Variants in SMOC1 observed in about 807,000 individuals in gnomAD.
The protein encoded by SMOC1 is SPARC related modular calcium binding 1, also known as SPARC-related modular calcium-binding protein 1.
Under a neutral mutation model 56.3 loss-of-function variants are expected in SMOC1, and 22 were observed. The ratio of observed to expected loss-of-function variants is 0.39; its 90% CI spans 0.28 to 0.56. The LOEUF is 0.56. Among genes scored for constraint, SMOC1 ranks in the 20% least tolerant of loss-of-function variants. The probability of loss-of-function intolerance (pLI) is 0.61; values close to 1 mark genes in which losing one functional copy is unlikely to be tolerated. For missense variants in SMOC1, 509 were observed against 565.4 expected (o/e 0.90, Z 1.01); for synonymous variants, 193 against 215.0 (o/e 0.90, Z 0.89).
chr14:69,921,256 A>G (rs1330333178), intron 1 of SMOC1, among the ~76,000 whole-genome samples: 2 of 152,056 alleles, frequency 1.3e-5, no homozygotes, highest in Non-Finnish European at 2.9e-5. Flanking sequence ...TCATTACATC[A>G]TGGGCAAGAT....
intron 7 of SMOC1, among the ~76,000 whole-genome samples, chr14:69,997,842 G>A (rs111588669): frequency 6.6e-6 from 1 of 152,160 alleles, no homozygotes; most frequent in Non-Finnish European, 1.5e-5. Context: ...ATGATCCTGG[G>A]TTCAGGTGTG....
At chr14:69,986,613 T>C (rs1370211759) in intron 5 of SMOC1, among the ~76,000 whole-genome samples, 1 of 152,120 alleles carries the variant, frequency 6.6e-6, no homozygotes, top group Non-Finnish European at 1.5e-5. Flanking sequence ...CGATAATCAT[T>C]TCAAAATAAA....
intron 1 of SMOC1, among the ~76,000 whole-genome samples, chr14:69,883,522 C>T (rs1476920782): frequency 6.6e-6 from 1 of 152,198 alleles, no homozygotes; most frequent in Non-Finnish European, 1.5e-5. Context: ...TCTATCCATT[C>T]ATCCACTGAT....
chr14:70,023,827 GTA>G lies in SMOC1; in HGVS notation c.1291+382_1291+383del, dbSNP rs146308657. On this transcript the variant is annotated intron_variant, in intron 11 of 11. Coordinates refer to ENST00000361956, the MANE Select transcript of SMOC1 (RefSeq NM_001034852.3). ...AGGGTGTGTGTGTGTGTGAGTGTGT[GTA>G]TGTGTGTGTGTGTGTGTGTGTGTGT... Among the ~76,000 whole-genome samples the G allele has an allele frequency of 2.0e-3, 287 of 143,670 alleles. 7 individuals are homozygous for G. Among genetic ancestry groups the G allele is most frequent in the Middle Eastern group, 3.4e-3 (1 of 290 alleles). 94.3% of individuals were successfully genotyped at this position (143,670 alleles called of 152,430 possible).
intron 1 of SMOC1, among the ~76,000 whole-genome samples, chr14:69,940,688 C>T (rs1254210308): frequency 6.6e-6 from 1 of 152,220 alleles, no homozygotes; most frequent in Non-Finnish European, 1.5e-5. Flanking sequence ...CTTGGATGCA[C>T]CCCAAGTGTA....
chr14:69,891,257 G>T (rs544898225), intron 1 of SMOC1, among the ~76,000 whole-genome samples: 1 of 152,312 alleles, frequency 6.6e-6, no homozygotes, highest in Admixed American at 6.5e-5. Context: ...GGGCAAACTG[G>T]AATATGTCAG....
At chr14:69,956,819 A>G (rs772395894) in intron 3 of SMOC1, among the ~76,000 whole-genome samples, 13 of 152,298 alleles carry the variant, frequency 8.5e-5, no homozygotes, top group Non-Finnish European at 1.6e-4. Flanking sequence ...AAAGCTGTAC[A>G]TTAGACCATG....
intron 1 of SMOC1, among the ~76,000 whole-genome samples, chr14:69,890,549 A>G (rs913843582): frequency 2.0e-5 from 3 of 152,334 alleles, no homozygotes; most frequent in African/African-American, 7.2e-5. Flanking sequence ...TAAAACATGC[A>G]TGATTGAAAA....
At chr14:70,023,772 A>G (rs1388700050) in intron 11 of SMOC1, among the ~76,000 whole-genome samples, 1 of 152,028 alleles carries the variant, frequency 6.6e-6, no homozygotes, top group African/African-American at 2.4e-5. Flanking sequence ...TTTCTTTCCC[A>G]TATAATAGTT....
At chr14:69,982,043 G>A (rs773754211) in intron 5 of SMOC1, among the ~76,000 whole-genome samples, 8 of 152,180 alleles carry the variant, frequency 5.3e-5, no homozygotes, top group Non-Finnish European at 1.0e-4. Flanking sequence ...AGTTCTCTGT[G>A]AGCTTTTGAC....
rs529243113 is a variant in SMOC1, at chr14:69,981,516, A to G, written c.526+3551A>G. On this transcript the variant is annotated intron_variant, in intron 5 of 11. Coordinates refer to ENST00000361956, the MANE Select transcript of SMOC1 (RefSeq NM_001034852.3). The stretch of plus-strand genomic sequence containing the variant: ...CTTTGGTCCTGGCCCTTAAAGAGAG[A>G]CGTGTGTGTGTTGTGTGTGTGGGAG... 1.1e-4 allele frequency among the ~76,000 whole-genome samples: 17 copies of G among 151,844 alleles called. No homozygotes were observed. In the East Asian group the frequency reaches 3.3e-3, roughly 29 times the overall value.
At chr14:69,930,167 ACCCCTGACAGCACCCTTCCCACT>A (rs60231522) in intron 1 of SMOC1, among the ~76,000 whole-genome samples, 18 of 136,816 alleles carry the variant, frequency 1.3e-4, no homozygotes, top group African/African-American at 5.0e-4. Context: ...CAGTGACTGT[ACCCCTGACAGCACCCTTCCCACT>A]CCCCTGACAG....
At chr14:70,003,595 C>G (rs927319675) in intron 7 of SMOC1, among the ~76,000 whole-genome samples, 2 of 152,176 alleles carry the variant, frequency 1.3e-5, no homozygotes, top group Non-Finnish European at 2.9e-5. Flanking sequence ...TCTTTTACAC[C>G]AGAGATTCCA....
chr14:70,003,343 T>C (rs942055466), intron 7 of SMOC1, among the ~76,000 whole-genome samples: 1 of 152,150 alleles, frequency 6.6e-6, no homozygotes, highest in African/African-American at 2.4e-5. Flanking sequence ...TGGGTAACAT[T>C]TTAATTGATT....
At chr14:69,979,659 C>T (rs1884102220) in intron 5 of SMOC1, among the ~76,000 whole-genome samples, 1 of 152,050 alleles carries the variant, frequency 6.6e-6, no homozygotes, top group Non-Finnish European at 1.5e-5. Flanking sequence ...GAGACAAGAT[C>T]TCACTATGTT....
intron 1 of SMOC1, among the ~76,000 whole-genome samples, chr14:69,914,434 A>C (rs192857495): frequency 1.2e-4 from 19 of 152,356 alleles, no homozygotes; most frequent in African/African-American, 4.6e-4. Context: ...ATTTCCCCAC[A>C]GTAGTTTGCA....
intron 7 of SMOC1, among the ~76,000 whole-genome samples, chr14:69,996,981 G>T (rs1884788146): frequency 6.6e-6 from 1 of 152,176 alleles, no homozygotes; most frequent in Non-Finnish European, 1.5e-5. Context: ...TGTAGTGTCT[G>T]TGACCATTTT....
At chr14:70,001,629 G>A (rs1435475577) in intron 7 of SMOC1, among the ~76,000 whole-genome samples, 1 of 152,078 alleles carries the variant, frequency 6.6e-6, no homozygotes. Flanking sequence ...TTGAGGAGAC[G>A]GGTCATTCAC....
rs187705570 is a variant in SMOC1 at position 69,994,601 on chromosome 14, A to G, written c.664+121A>G. 702 of 806,360 alleles carry G rather than the reference A, an allele frequency of 8.7e-4. 3 individuals carry two copies. The African/African-American group carries it at 9.7e-3, about 11-fold the overall frequency. The allele number at this position is 806,360 out of a possible 1,614,324, so 50.0% of individuals were successfully genotyped here. On this transcript the variant is annotated intron_variant, in intron 7 of 11. Coordinates refer to ENST00000361956, the MANE Select transcript of SMOC1 (RefSeq NM_001034852.3). Reference sequence around the variant, plus strand: ...TTAATCTGTCTGGTTGTCAATTTCTATAGCTATAAAATAAAGAGATTGGAT... The same window carrying G: ...TTAATCTGTCTGGTTGTCAATTTCTGTAGCTATAAAATAAAGAGATTGGAT...
Sources: gnomAD v4.1 joint callset for allele counts (sites outside exome capture counted in the v4.1 genomes callset) on GRCh38, gnomAD v4.1.1 for gene constraint, MANE v1.5 for transcripts, NCBI Gene and HGNC (gene_info 2026-07-23, HGNC 2026-07-21) for gene names.